The following PAX2 variants were observed in gnomAD, a reference collection of about 807,000 sequenced individuals.
PAX2 encodes paired box 2, also known as paired box protein Pax-2.
A neutral mutation model predicts 41.7 loss-of-function variants in PAX2; 9 were observed. The observed-to-expected ratio is 0.22, with a 90% CI of 0.13 to 0.38. PAX2 has a LOEUF of 0.38. Ranked by LOEUF, PAX2 falls within the 10% of genes least tolerant of loss-of-function variation. The pLI, the probability that PAX2 is intolerant of heterozygous loss-of-function variation, is 1.00. For synonymous variants in PAX2, 221 were observed against 212.7 expected, an observed-to-expected ratio of 1.04 and a Z score of -0.34; for missense variants, 418 against 531.6, an observed-to-expected ratio of 0.79 and a Z score of 2.10.
Position 100,829,510 on chromosome 10 carries a change from C to T in PAX2, c.*1891C>T, listed in dbSNP as rs967378630. The T allele has an allele frequency of 1.9e-5, 4 of 208,650 alleles. No homozygotes were observed. The highest frequency in any genetic ancestry group is 1.2e-4 in the Admixed American group (2 of 16,856). The allele number at this position is 208,650 out of a possible 1,614,324, so 12.9% of individuals were successfully genotyped here. On this transcript the variant is annotated 3_prime_UTR_variant, in exon 10 of 10. Coordinates refer to ENST00000355243, the MANE Select transcript of PAX2 (RefSeq NM_000278.5). ...TGGCGATGCGCCCTGCATGTCTCCTCACCCGTGGATCGTGACGACTCGAAA... is the reference window on the plus strand; with the variant it reads ...TGGCGATGCGCCCTGCATGTCTCCTTACCCGTGGATCGTGACGACTCGAAA...
At chr10:100,788,958 G>C (rs146412939) in intron 5 of PAX2, among the ~76,000 whole-genome samples, 10 of 152,050 alleles carry the variant, frequency 6.6e-5, no homozygotes, top group African/African-American at 1.9e-4. Flanking sequence ...GGGAGAAGGA[G>C]TGTGCTCCCA....
upstream of PAX2, among the ~76,000 whole-genome samples, chr10:100,741,622 T>A (rs1161167575): frequency 6.6e-6 from 1 of 152,070 alleles, no homozygotes; most frequent in Non-Finnish European, 1.5e-5. Context: ...AGAGGGCGAG[T>A]GAGCCTCGGT....
At chr10:100,787,129 G>T (rs1846900811) in intron 5 of PAX2, 4 of 470,472 alleles carry the variant, frequency 8.5e-6, no homozygotes, top group South Asian at 7.3e-5. Context: ...GGAGGAGTTG[G>T]CTCAGGCTTC....
At chr10:100,744,306 G>A (rs1845068897), upstream of PAX2, among the ~76,000 whole-genome samples, 1 of 152,256 alleles carries the variant, frequency 6.6e-6, no homozygotes, top group African/African-American at 2.4e-5. Context: ...GCAGACCCAG[G>A]GAAGCGGGGG....
At chr10:100,752,679 T>C (rs1845484411) in intron 3 of PAX2, among the ~76,000 whole-genome samples, 1 of 152,174 alleles carries the variant, frequency 6.6e-6, no homozygotes, top group African/African-American at 2.4e-5. Flanking sequence ...ACCCAAGTCA[T>C]GTAGGATTTA....
At chr10:100,751,386 A>C (rs181656515) in intron 3 of PAX2, among the ~76,000 whole-genome samples, 14 of 152,150 alleles carry the variant, frequency 9.2e-5, no homozygotes, top group Non-Finnish European at 1.9e-4. Context: ...GCTCCACACA[A>C]ATTTCTGGCC....
chr10:100,777,829 A>G (rs1313739449), intron 3 of PAX2, among the ~76,000 whole-genome samples: 2 of 152,256 alleles, frequency 1.3e-5, no homozygotes, highest in Non-Finnish European at 2.9e-5. Context: ...TAAATTGTGT[A>G]TAATATTGGC....
intron 6 of PAX2, among the ~76,000 whole-genome samples, chr10:100,808,160 A>G (rs1213062623): frequency 6.6e-6 from 1 of 152,190 alleles, no homozygotes; most frequent in Non-Finnish European, 1.5e-5. Flanking sequence ...AGTTCATTTT[A>G]ATTTCTCTCC....
intron 7 of PAX2, among the ~76,000 whole-genome samples, chr10:100,820,053 C>T (rs1848328311): frequency 6.6e-6 from 1 of 152,188 alleles, no homozygotes; most frequent in Admixed American, 6.5e-5. Flanking sequence ...TCTCCACTAC[C>T]ACTGTTTCTT....
chr10:100,768,535 C>T (rs145580751), intron 3 of PAX2, among the ~76,000 whole-genome samples: 9 of 152,248 alleles, frequency 5.9e-5, no homozygotes, highest in Admixed American at 3.9e-4. Flanking sequence ...AGAGGATAAG[C>T]GTGTTTAAAA....
chr10:100,811,050 C>T (rs553281902), intron 7 of PAX2, among the ~76,000 whole-genome samples: 8 of 152,236 alleles, frequency 5.3e-5, no homozygotes, highest in South Asian at 2.1e-4. Flanking sequence ...GAACCATTAA[C>T]ATTCGGAGCT....
At chr10:100,749,527 T>C in intron 1 of PAX2, 1 of 1,350,452 alleles carries the variant, frequency 7.4e-7, no homozygotes, top group Non-Finnish European at 9.5e-7. Context: ...AAGGCCTGAG[T>C]CGCCCTCTCG....
Position 100,829,080 on chromosome 10 carries a change from C to T in PAX2, c.*1461C>T, listed in dbSNP as rs1356527257. The T allele has an allele frequency of 4.4e-6, 1 of 229,274 alleles. No homozygotes were observed. Among genetic ancestry groups the T allele is most frequent in the Non-Finnish European group, 8.6e-6 (1 of 115,678 alleles). 14.2% of individuals were successfully genotyped at this position (229,274 alleles called of 1,614,324 possible). On this transcript the variant is annotated 3_prime_UTR_variant, in exon 10 of 10. Coordinates refer to ENST00000355243, the MANE Select transcript of PAX2 (RefSeq NM_000278.5). ...CACAGCACGTCCTGGGGGAGGGGGG[C>T]ATTTTTTATGTTACAAAAAAAAATT...
intron 5 of PAX2, among the ~76,000 whole-genome samples, chr10:100,784,306 G>A (rs1432992209): frequency 2.6e-5 from 4 of 152,244 alleles, no homozygotes; most frequent in Admixed American, 1.3e-4. Context: ...TCAGTGACTG[G>A]GCCGGGACTG....
Position 100,746,199 on chromosome 10 carries a change from A to G in PAX2, c.-62A>G, listed in dbSNP as rs1845163937. On this transcript the variant is annotated 5_prime_UTR_variant, in exon 1 of 10. Transcript: ENST00000355243. Reference sequence around the variant, plus strand: ...CCTCCCTTTTCTCCTCAAGTCCTGAAGTTGAGTTTGAGAGGCGACACGGCG... The same window carrying G: ...CCTCCCTTTTCTCCTCAAGTCCTGAGGTTGAGTTTGAGAGGCGACACGGCG... 2 of 1,612,816 alleles carry G rather than the reference A, an allele frequency of 1.2e-6. No individual in the cohort carries two copies. The highest frequency in any genetic ancestry group is 2.2e-5 in the East Asian group (1 of 44,820).
At chr10:100,800,281 T>C (rs200775179) in intron 5 of PAX2, among the ~76,000 whole-genome samples, 38,192 of 127,740 alleles carry the variant, frequency 0.3, 4,623 homozygotes, top group East Asian at 0.67. Flanking sequence ...TTCTTTTTTT[T>C]TTTTTTTTTT....
At chr10:100,761,035 C>T (rs1033000155) in intron 3 of PAX2, among the ~76,000 whole-genome samples, 15 of 152,142 alleles carry the variant, frequency 9.9e-5, no homozygotes, top group Non-Finnish European at 1.2e-4. Flanking sequence ...AAGGGAAAAC[C>T]TAGCAGACTC....
At position 100,828,941 on chromosome 10, in the gene PAX2, G is replaced by A. The variant is rs1448827421; in HGVS notation, c.*1322G>A. 2 of 139,062 alleles carry A rather than the reference G, an allele frequency of 1.4e-5. No individual in the cohort carries two copies. Among genetic ancestry groups the A allele is most frequent in the East Asian group, 1.7e-4 (1 of 5,882 alleles). 8.6% of individuals were successfully genotyped at this position (139,062 alleles called of 1,614,324 possible). On this transcript the variant is annotated 3_prime_UTR_variant, in exon 10 of 10. Transcript: ENST00000355243. The surrounding 1 kb of genome is among the most constrained non-coding windows in gnomAD (Gnocchi z 6.5). ...CCTCCGCCCCGCCCCGCCCGGCCCC[G>A]TAGAGTCCCTGTCGCCCGCCGGCCC...
rs756165302 is a variant in PAX2 at position 100,827,004 on chromosome 10, C to T, written c.1022-5C>T. 6.2e-7 allele frequency: 1 copy of T among 1,610,532 alleles called. No individual in the cohort carries two copies. Among genetic ancestry groups the T allele is most frequent in the East Asian group, 2.2e-5 (1 of 44,838 alleles). On this transcript the variant is annotated splice_polypyrimidine_tract_variant and splice_region_variant and intron_variant, in intron 8 of 9. Transcript: ENST00000355243. This position sits in a 1 kb window ranked among gnomAD's most constrained non-coding sequence, Gnocchi z 8.5. ...TCTGATCCCCACTCCCCGACCCTCC[C>T]GCAGGGAGCGAGTTCTCCGGCAACC...
Sources: allele counts gnomAD v4.1 joint callset (sites outside exome capture counted in the v4.1 genomes callset), GRCh38; gene constraint gnomAD v4.1.1; non-coding constraint Gnocchi (gnomAD v3.1); transcripts MANE v1.5; gene names NCBI Gene and HGNC (gene_info 2026-07-23, HGNC 2026-07-21).